SGSM3: variants seen among roughly 807,000 people sequenced by gnomAD.
SGSM3 encodes small G protein signaling modulator 3.
In SGSM3, 96 loss-of-function variants were observed where a neutral mutation model predicts 100.5. The ratio of observed to expected loss-of-function variants is 0.96; its 90% CI spans 0.81 to 1.13. SGSM3 has a LOEUF of 1.13. SGSM3 is among the 50% of genes most tolerant of loss of function. SGSM3 has a pLI of 0.00. For missense variants in SGSM3, 1,001 were observed against 1,015.8 expected (o/e 0.99, Z 0.20); for synonymous variants, 483 against 422.8 (o/e 1.14, Z -1.75).
At chr22:40,385,342 A>G (rs2146838914) in intron 1 of SGSM3, among the ~76,000 whole-genome samples, 1 of 152,344 alleles carries the variant, frequency 6.6e-6, no homozygotes, top group Non-Finnish European at 1.5e-5. Flanking sequence ...TTGAGTGGGT[A>G]CAGGGATAGT....
At chr22:40,405,537 C>T in intron 7 of SGSM3, 112 bp from the exon 8 acceptor site, 1 of 1,032,784 alleles carries the variant, frequency 9.7e-7, no homozygotes, top group Non-Finnish European at 1.4e-6. Context: ...TGGGTTCCAG[C>T]ATGCGTGCCC....
At chr22:40,397,071 C>G (rs142655533) in intron 1 of SGSM3, among the ~76,000 whole-genome samples, 3,719 of 152,278 alleles carry the variant, frequency 0.024, 405 homozygotes, top group Admixed American at 0.2. Flanking sequence ...CTGGGCTGTT[C>G]CTGCCAACTC....
Position 40,410,006 on chromosome 22 carries a change from G to C in SGSM3, c.*247G>C, listed in dbSNP as rs1339881873. The C allele has an allele frequency of 2.2e-6, 3 of 1,338,218 alleles. No individual in the cohort carries two copies. The highest frequency in any genetic ancestry group is 7.6e-5 in the Admixed American group (2 of 26,412). 82.9% of individuals were successfully genotyped at this position (1,338,218 alleles called of 1,614,324 possible). On this transcript the variant is annotated 3_prime_UTR_variant, in exon 22 of 22. Coordinates refer to ENST00000248929, the MANE Select transcript of SGSM3 (RefSeq NM_015705.6). ...TGTACCAAAAACCTTGTGAGGAGGT[G>C]GGGGAGCCATGTCTGTGCTCAGGAA...
chr22:40,409,099 C>T, intron 19 of SGSM3, 81 bp downstream of exon 19: 1 of 1,550,096 alleles, frequency 6.5e-7, no homozygotes, highest in Non-Finnish European at 8.7e-7. Context: ...TTACAGGGAA[C>T]CCTAAAGGAC....
chr22:40,404,125 T>C, intron 4 of SGSM3, 122 bp from the exon 5 acceptor site: 1 of 736,884 alleles, frequency 1.4e-6, no homozygotes, highest in Non-Finnish European at 2.1e-6. Flanking sequence ...AATCTGGATA[T>C]GGTGGGAGAG....
At position 40,407,491 on chromosome 22, in the gene SGSM3, C is replaced by T. The variant is rs1455506419; in HGVS notation, c.1447C>T (p.Arg483Cys). 6.2e-6 allele frequency: 10 copies of T among 1,611,084 alleles called. No homozygotes were observed. Among genetic ancestry groups the T allele is most frequent in the East Asian group, 4.5e-5 (2 of 44,886 alleles). Residue 483 changes from arginine to cysteine, a missense_variant, in exon 13 of 22, where the codon CGC becomes TGC. By Grantham distance (180) the Arg-to-Cys change is radical (BLOSUM62 -3). Coordinates refer to ENST00000248929, the MANE Select transcript of SGSM3 (RefSeq NM_015705.6). The surrounding 1 kb of genome is among the most constrained non-coding windows in gnomAD (Gnocchi z 4.7). ...NYVACSRSHR[R>C]RAKALLDFER... is the part of the protein sequence containing the mutation. ...CGTGGCGTGCTCACGCAGCCACCGG[C>T]GCCGAGCCAAGGCCCTGCTGGACTT...
At chr22:40,380,491 C>T (rs960235628) in intron 1 of SGSM3, among the ~76,000 whole-genome samples, 1 of 151,796 alleles carries the variant, frequency 6.6e-6, no homozygotes, top group Non-Finnish European at 1.5e-5. Context: ...CTCAGCATCC[C>T]GAGTAGTTGG....
At chr22:40,405,399 A>C (rs1200269474) in intron 7 of SGSM3, 115 bp downstream of exon 7, 2 of 1,110,194 alleles carry the variant, frequency 1.8e-6, no homozygotes, top group East Asian at 5.6e-5. Flanking sequence ...AGGACCCCTA[A>C]CAAGGAGTGG....
At chr22:40,400,607 C>T (rs1449830017) in intron 1 of SGSM3, 89 bp from the exon 2 acceptor site, 4 of 485,786 alleles carry the variant, frequency 8.2e-6, no homozygotes, top group Non-Finnish European at 1.5e-5. Context: ...TGCACCACTG[C>T]ACTCCAGCCT....
intron 1 of SGSM3, among the ~76,000 whole-genome samples, chr22:40,397,546 G>A (rs1372664524): frequency 6.6e-6 from 1 of 152,162 alleles, no homozygotes; most frequent in African/African-American, 2.4e-5. Flanking sequence ...GCCAGAGAGG[G>A]CTCAGAGCCC....
At chr22:40,401,876 C>G (rs2050802266) in intron 3 of SGSM3, among the ~76,000 whole-genome samples, 1 of 152,234 alleles carries the variant, frequency 6.6e-6, no homozygotes, top group Non-Finnish European at 1.5e-5. Flanking sequence ...AGGGACACAA[C>G]TGCATAAAAC....
chr22:40,404,468 C>A lies in SGSM3; in HGVS notation c.366+13C>A. On this transcript the variant is annotated intron_variant, in intron 5 of 21. Transcript: ENST00000248929. ...CATGAGGCCACAGGTAAGGTGGCCACAGGGACCCACAGGGTGTTGAGAGGG... is the reference window on the plus strand; with the variant it reads ...CATGAGGCCACAGGTAAGGTGGCCAAAGGGACCCACAGGGTGTTGAGAGGG... The A allele has an allele frequency of 6.2e-7, 1 of 1,606,548 alleles. No individual in the cohort carries two copies. Among genetic ancestry groups the A allele is most frequent in the Non-Finnish European group, 8.5e-7 (1 of 1,175,658 alleles).
At position 40,409,306 on chromosome 22, in the gene SGSM3, A is replaced by G. The variant is rs1326343959; in HGVS notation, c.2045A>G (p.Glu682Gly). 2 of 1,612,886 alleles carry G rather than the reference A, an allele frequency of 1.2e-6. No individual in the cohort carries two copies. The highest frequency in any genetic ancestry group is 1.7e-6 in the Non-Finnish European group (2 of 1,179,904). ...EVLCSSLPTV[E>G]KWYQPWSFLR... ...CTCTGCTCCAGCCTGCCCACCGTGG[A>G]GAAGTGGTACCAGCCCTGGTCCTTC... The change falls in exon 20 of 22, where the codon GAG becomes GGG. Residue 682 changes from glutamate (E) to glycine (G), a missense_variant. Physicochemically the swap from Glu to Gly is moderately conservative, Grantham distance 98. Transcript: ENST00000248929.
chr22:40,379,957 C>T (rs940271784), intron 1 of SGSM3, among the ~76,000 whole-genome samples: 1 of 152,120 alleles, frequency 6.6e-6, no homozygotes, highest in Non-Finnish European at 1.5e-5. Flanking sequence ...GTGATCCACC[C>T]TCCTCGGCCT....
intron 1 of SGSM3, among the ~76,000 whole-genome samples, chr22:40,381,861 G>C (rs2146807751): frequency 6.6e-6 from 1 of 152,292 alleles, no homozygotes; most frequent in Non-Finnish European, 1.5e-5. Context: ...CAGGAGGCTG[G>C]GGTGGAAGGA....
chr22:40,394,835 AACC>A (rs1183791643), intron 1 of SGSM3, among the ~76,000 whole-genome samples: 3 of 152,044 alleles, frequency 2.0e-5, no homozygotes, highest in Non-Finnish European at 4.4e-5. Context: ...GGCCTTCCCC[AACC>A]ACCAATTAAA....
intron 1 of SGSM3, among the ~76,000 whole-genome samples, chr22:40,387,020 G>A (rs375202914): frequency 2.0e-5 from 3 of 151,986 alleles, no homozygotes; most frequent in African/African-American, 4.8e-5. Flanking sequence ...TTTTGTTCCC[G>A]CACATGCACA....
At chr22:40,386,589 T>TA (rs1601853811) in intron 1 of SGSM3, among the ~76,000 whole-genome samples, 2 of 144,282 alleles carry the variant, frequency 1.4e-5, no homozygotes, top group African/African-American at 2.6e-5. Flanking sequence ...TTTTTTTTTT[T>TA]AATAAAAAGA....
intron 6 of SGSM3, among the ~76,000 whole-genome samples, chr22:40,404,901 C>G (rs1223696869): frequency 1.3e-5 from 2 of 152,170 alleles, no homozygotes; most frequent in East Asian, 1.9e-4. Context: ...GATGGGGACT[C>G]TAAATATAGA....
Sources: allele counts gnomAD v4.1 joint callset (sites outside exome capture counted in the v4.1 genomes callset), GRCh38; gene constraint gnomAD v4.1.1; non-coding constraint Gnocchi (gnomAD v3.1); transcripts MANE v1.5; gene names NCBI Gene and HGNC (gene_info 2026-07-23, HGNC 2026-07-21).